PARD3: variants seen among roughly 807,000 people sequenced by gnomAD.
PARD3 encodes par-3 family cell polarity regulator.
Under a neutral mutation model 155.4 loss-of-function variants are expected in PARD3, and 75 were observed. The observed-to-expected ratio is 0.48, with a 90% CI of 0.40 to 0.58. PARD3 has a LOEUF of 0.58. Ranked by LOEUF, PARD3 falls within the 20% of genes least tolerant of loss-of-function variation. PARD3 has a pLI of 0.00. For synonymous variants in PARD3, 576 were observed against 610.5 expected, an observed-to-expected ratio of 0.94 and a Z score of 0.83; for missense variants, 1,642 against 1,721.7, an observed-to-expected ratio of 0.95 and a Z score of 0.82.
At chr10:34,546,533 A>C (rs1175765253) in intron 2 of PARD3, among the ~76,000 whole-genome samples, 2 of 118,936 alleles carry the variant, frequency 1.7e-5, no homozygotes, top group East Asian at 2.4e-4. Flanking sequence ...AAAAAAGTGG[A>C]ATTTTGTTGT....
intron 3 of PARD3, among the ~76,000 whole-genome samples, chr10:34,487,424 T>G (rs1347275741): frequency 6.6e-6 from 1 of 152,022 alleles, no homozygotes; most frequent in Non-Finnish European, 1.5e-5. Context: ...ATGAATGACT[T>G]CCATCTTGAG....
intron 2 of PARD3, among the ~76,000 whole-genome samples, chr10:34,589,216 G>C (rs555856781): frequency 1.3e-5 from 2 of 152,286 alleles, no homozygotes; most frequent in East Asian, 3.9e-4. Context: ...TGGTTAAACA[G>C]AGCCAGAGTG....
At chr10:34,661,511 C>T (rs1430305292) in intron 2 of PARD3, among the ~76,000 whole-genome samples, 1 of 152,108 alleles carries the variant, frequency 6.6e-6, no homozygotes, top group Admixed American at 6.5e-5. Context: ...CAATACAAAG[C>T]AACCTGGGAG....
chr10:34,771,369 C>T (rs556834909), intron 1 of PARD3, among the ~76,000 whole-genome samples: 31 of 152,268 alleles, frequency 2.0e-4, no homozygotes, highest in African/African-American at 6.7e-4. Context: ...GCCCCCCACA[C>T]AGGATCACTG....
At chr10:34,636,062 G>A (rs2092458884) in intron 2 of PARD3, among the ~76,000 whole-genome samples, 1 of 151,532 alleles carries the variant, frequency 6.6e-6, no homozygotes, top group South Asian at 2.1e-4. Context: ...AAGAAAGGAA[G>A]GAAGAAGGAA....
At chr10:34,171,672 G>C (rs935892286) in intron 22 of PARD3, among the ~76,000 whole-genome samples, 1 of 151,894 alleles carries the variant, frequency 6.6e-6, no homozygotes, top group Non-Finnish European at 1.5e-5. Flanking sequence ...CCTCAGGCCA[G>C]GTGCGGTGGC....
intron 22 of PARD3, among the ~76,000 whole-genome samples, chr10:34,205,872 C>T (rs1474556305): frequency 6.6e-6 from 1 of 152,174 alleles, no homozygotes; most frequent in Non-Finnish European, 1.5e-5. Flanking sequence ...CGGATACAGT[C>T]CCCCCATCCC....
intron 18 of PARD3, among the ~76,000 whole-genome samples, chr10:34,334,418 A>T (rs934844679): frequency 1.3e-5 from 2 of 151,246 alleles, no homozygotes; most frequent in Non-Finnish European, 3.0e-5. Context: ...TTCAATTTTC[A>T]TTATGAAAGG....
intron 12 of PARD3, among the ~76,000 whole-genome samples, chr10:34,367,418 C>T (rs1216282069): frequency 5.3e-5 from 8 of 152,188 alleles, no homozygotes; most frequent in African/African-American, 1.9e-4. Context: ...AAAATGTCCT[C>T]CTTCTGGCCA....
At chr10:34,380,988 A>C (rs950136476) in intron 9 of PARD3, among the ~76,000 whole-genome samples, 1 of 152,338 alleles carries the variant, frequency 6.6e-6, no homozygotes, top group Admixed American at 6.5e-5. Context: ...GAATTGACAG[A>C]GCTAAAGGGG....
At chr10:34,672,948 G>T (rs1317858815) in intron 2 of PARD3, among the ~76,000 whole-genome samples, 1 of 152,174 alleles carries the variant, frequency 6.6e-6, no homozygotes, top group African/African-American at 2.4e-5. Flanking sequence ...ACTGTATTCA[G>T]CAGTCTTTTT....
At chr10:34,248,989 T>C (rs1417113749) in intron 22 of PARD3, among the ~76,000 whole-genome samples, 2 of 152,192 alleles carry the variant, frequency 1.3e-5, no homozygotes, top group Non-Finnish European at 2.9e-5. Context: ...TTCTTTTAAT[T>C]CTCCATCAGT....
chr10:34,247,199 A>C (rs1954009572), intron 22 of PARD3, among the ~76,000 whole-genome samples: 1 of 152,214 alleles, frequency 6.6e-6, no homozygotes, highest in African/African-American at 2.4e-5. Flanking sequence ...CAGGAGAAAA[A>C]TCAATCAATA....
intron 9 of PARD3, among the ~76,000 whole-genome samples, chr10:34,380,146 T>C (rs1841680177): frequency 1.3e-5 from 2 of 152,130 alleles, no homozygotes; most frequent in South Asian, 2.1e-4. Context: ...TATTAAAATA[T>C]ATGCATTTAG....
At chr10:34,621,252 A>C (rs1182742507) in intron 2 of PARD3, among the ~76,000 whole-genome samples, 1 of 151,834 alleles carries the variant, frequency 6.6e-6, no homozygotes, top group East Asian at 1.9e-4. Flanking sequence ...GGGAGGGAAG[A>C]GTCTCTGTCA....
intron 21 of PARD3, among the ~76,000 whole-genome samples, chr10:34,270,574 G>A (rs553893479): frequency 3.9e-4 from 59 of 152,116 alleles, no homozygotes; most frequent in African/African-American, 1.0e-3. Context: ...TTTTTTTAAC[G>A]TTACATACAC....
At chr10:34,358,579 G>A (rs147311708) in intron 14 of PARD3, among the ~76,000 whole-genome samples, 28 of 152,244 alleles carry the variant, frequency 1.8e-4, no homozygotes, top group East Asian at 5.8e-4. Flanking sequence ...TGTAATCCCA[G>A]GACTTTGGCA....
Position 34,378,005 on chromosome 10 carries a change from G to T in PARD3, c.1501C>A (p.Gln501Lys). 1.3e-6 allele frequency: 2 copies of T among 1,587,052 alleles called. No individual in the cohort carries two copies. Among genetic ancestry groups the T allele is most frequent in the South Asian group, 2.3e-5 (2 of 87,150 alleles). Residue 501 changes from glutamine to lysine, a missense_variant, in exon 10 of 25, where the codon CAG becomes AAG. Coordinates refer to ENST00000374788, the MANE Select transcript of PARD3 (RefSeq NM_001184785.2). ...KNILPRGAAI[Q>K]DGRLKAGDRL... The stretch of plus-strand genomic sequence containing the variant: ...TCTCCTGCCTTAAGTCGGCCATCCT[G>T]AATGGCCGCCCCCCGGGGGAGAATG...
intron 3 of PARD3, among the ~76,000 whole-genome samples, chr10:34,486,410 G>A (rs1002295513): frequency 1.3e-5 from 2 of 152,174 alleles, no homozygotes; most frequent in Non-Finnish European, 2.9e-5. Flanking sequence ...TTTTGGTTTT[G>A]TTTCAGGGCA....
Sources: allele counts gnomAD v4.1 joint callset (sites outside exome capture counted in the v4.1 genomes callset), GRCh38; gene constraint gnomAD v4.1.1; transcripts MANE v1.5; gene names NCBI Gene and HGNC (gene_info 2026-07-23, HGNC 2026-07-21).